Variants in KALRN observed in about 807,000 individuals in gnomAD.
KALRN encodes the protein kalirin RhoGEF kinase, also known as kalirin.
A neutral mutation model predicts 353.7 loss-of-function variants in KALRN; 70 were observed. The observed-to-expected ratio is 0.20, with a 90% CI of 0.16 to 0.24. The LOEUF (loss-of-function observed/expected upper bound fraction) is 0.24, where lower values mean the gene tolerates loss of function less well. Ranked by LOEUF, KALRN falls within the 10% of genes least tolerant of loss-of-function variation. KALRN has a pLI of 1.00. For missense variants in KALRN, 2,791 were observed against 3,756.7 expected, an observed-to-expected ratio of 0.74 and a Z score of 6.72; for synonymous variants, 1,391 against 1,434.8, an observed-to-expected ratio of 0.97 and a Z score of 0.69.
At chr3:124,407,118 C>A (rs945015041) in intron 13 of KALRN, among the ~76,000 whole-genome samples, 1 of 152,070 alleles carries the variant, frequency 6.6e-6, no homozygotes, top group African/African-American at 2.4e-5. Flanking sequence ...GTCACTGCAC[C>A]CAGCCAGGCA....
At chr3:124,562,555 T>C in intron 33 of KALRN, 1 of 297,582 alleles carries the variant, frequency 3.4e-6, no homozygotes. Flanking sequence ...ATCAAAGCCC[T>C]GGTTCTGGGC....
chr3:124,628,498 CT>C (rs1447460242), intron 34 of KALRN, among the ~76,000 whole-genome samples: 5 of 55,406 alleles, frequency 9.0e-5, no homozygotes, highest in African/African-American at 2.3e-4. Context: ...CCTCCCTTCC[CT>C]TCCTTCCCTT....
intron 34 of KALRN, among the ~76,000 whole-genome samples, chr3:124,600,451 G>A (rs16835646): frequency 0.15 from 23,557 of 152,212 alleles, 1,957 homozygotes; most frequent in Middle Eastern, 0.19. Flanking sequence ...CAATGGGTAC[G>A]TATTTCAAAG....
At chr3:124,406,317 G>A (rs912433338) in intron 13 of KALRN, among the ~76,000 whole-genome samples, 3 of 152,184 alleles carry the variant, frequency 2.0e-5, no homozygotes, top group Non-Finnish European at 4.4e-5. Context: ...TGTAAGAATT[G>A]ATTAGCAGAG....
intron 52 of KALRN, 28 bp downstream of exon 52, chr3:124,693,859 A>G (rs757250712): frequency 5.9e-6 from 9 of 1,517,290 alleles, no homozygotes; most frequent in Middle Eastern, 1.7e-4. Context: ...AGAATTGGAA[A>G]CATGGGGATT....
intron 1 of KALRN, among the ~76,000 whole-genome samples, chr3:124,180,671 T>C (rs2073443636): frequency 6.6e-6 from 1 of 152,032 alleles, no homozygotes; most frequent in Non-Finnish European, 1.5e-5. Flanking sequence ...ACATGAGAAA[T>C]CTCTAGCTCA....
chr3:124,717,365 G>T lies in KALRN; in HGVS notation c.8395G>T (p.Val2799Phe), dbSNP rs771866378. The change falls in exon 59 of 60, where the codon GTT (valine) becomes TTT (phenylalanine). Residue 2799 changes from valine to phenylalanine, a missense_variant. Transcript: ENST00000682506. ...TCTGCAGTACCTTCACAACTGCAGG[G>T]TTGCACATTTGGACATAAAGGTAAT... is the stretch of plus-strand genomic sequence containing the variant. ...EALQYLHNCR[V>F]AHLDIKPENL... 1 of 1,606,100 alleles carries T rather than the reference G, an allele frequency of 6.2e-7. No homozygotes were observed. The highest frequency in any genetic ancestry group is 2.2e-5 in the East Asian group (1 of 44,740).
chr3:124,293,819 A>G (rs1287624594), intron 5 of KALRN, among the ~76,000 whole-genome samples: 1 of 152,210 alleles, frequency 6.6e-6, no homozygotes, highest in Non-Finnish European at 1.5e-5. Flanking sequence ...GACAAGTTTG[A>G]AGGCACTTTG....
chr3:124,467,110 C>T (rs2060418688), intron 25 of KALRN, among the ~76,000 whole-genome samples: 1 of 152,220 alleles, frequency 6.6e-6, no homozygotes, highest in Admixed American at 6.5e-5. Context: ...CCACTGCCCT[C>T]CCAACCTGGT....
intron 13 of KALRN, among the ~76,000 whole-genome samples, chr3:124,400,052 A>T (rs1220278258): frequency 6.6e-6 from 1 of 152,272 alleles, no homozygotes; most frequent in East Asian, 1.9e-4. Flanking sequence ...CATTCCAACC[A>T]TCTCTCTGGA....
intron 33 of KALRN, among the ~76,000 whole-genome samples, chr3:124,547,339 G>A (rs2069815415): frequency 6.6e-6 from 1 of 151,764 alleles, no homozygotes; most frequent in African/African-American, 2.4e-5. Context: ...TACAGACAAG[G>A]TCTCGCTTGG....
intron 51 of KALRN, among the ~76,000 whole-genome samples, chr3:124,691,015 T>A (rs1268929847): frequency 1.3e-5 from 2 of 152,364 alleles, no homozygotes; most frequent in African/African-American, 4.8e-5. Flanking sequence ...ACCCTTTATG[T>A]GACAGACCCT....
chr3:124,238,750 A>G (rs190376770), intron 3 of KALRN, among the ~76,000 whole-genome samples: 41 of 152,278 alleles, frequency 2.7e-4, no homozygotes, highest in African/African-American at 9.9e-4. Flanking sequence ...CCCAGGACCA[A>G]GGATCCTGTT....
intron 34 of KALRN, among the ~76,000 whole-genome samples, chr3:124,602,830 G>T (rs2076941098): frequency 6.6e-6 from 1 of 152,210 alleles, no homozygotes; most frequent in Non-Finnish European, 1.5e-5. Flanking sequence ...AAATGACAAA[G>T]CTGAGGCTTA....
At chr3:124,449,673 C>T (rs2058587207) in intron 21 of KALRN, among the ~76,000 whole-genome samples, 1 of 152,182 alleles carries the variant, frequency 6.6e-6, no homozygotes, top group South Asian at 2.1e-4. Context: ...TAGAAAGAAA[C>T]CTCATGCCCA....
At chr3:124,579,018 A>G (rs6790058) in intron 34 of KALRN, among the ~76,000 whole-genome samples, 43,486 of 152,106 alleles carry the variant, frequency 0.29, 6,538 homozygotes, top group Middle Eastern at 0.38. Context: ...TTCTTTCTCT[A>G]TCCTGAGCTT....
Position 124,334,991 on chromosome 3 carries a change from C to G in KALRN, c.1647+496C>G, listed in dbSNP as rs984482134. Among the ~76,000 whole-genome samples, 1 of 152,146 alleles carries G rather than the reference C, an allele frequency of 6.6e-6. No homozygotes were observed. Among genetic ancestry groups the G allele is most frequent in the African/African-American group, 2.4e-5 (1 of 41,440 alleles). On this transcript the variant is annotated intron_variant, in intron 9 of 59. Coordinates refer to ENST00000682506, the MANE Select transcript of KALRN (RefSeq NM_001388419.1). The surrounding 1 kb of genome is among the most constrained non-coding windows in gnomAD (Gnocchi z 4.2). ...TGTATTTTTGGTGGAGACGGGGTTT[C>G]ACCATGTTGACCAGGCTGGTCTTGA...
intron 34 of KALRN, among the ~76,000 whole-genome samples, chr3:124,603,985 A>T (rs1325631516): frequency 6.6e-6 from 1 of 152,136 alleles, no homozygotes; most frequent in Non-Finnish European, 1.5e-5. Flanking sequence ...GAACAACATC[A>T]GCTCACACAT....
chr3:124,259,998 C>T (rs1232025732), intron 3 of KALRN, among the ~76,000 whole-genome samples: 1 of 152,096 alleles, frequency 6.6e-6, no homozygotes, highest in Non-Finnish European at 1.5e-5. Context: ...TGATCATGTT[C>T]CTTCTCTGAA....
Sources: allele counts gnomAD v4.1 joint callset (sites outside exome capture counted in the v4.1 genomes callset), GRCh38; gene constraint gnomAD v4.1.1; non-coding constraint Gnocchi (gnomAD v3.1); transcripts MANE v1.5; gene names NCBI Gene and HGNC (gene_info 2026-07-23, HGNC 2026-07-21).